PARD3B: variants seen among roughly 807,000 people sequenced by gnomAD.
PARD3B encodes the protein par-3 family cell polarity regulator beta, also known as partitioning defective 3 homolog B.
A neutral mutation model predicts 130.2 loss-of-function variants in PARD3B; 103 were observed. The observed-to-expected ratio is 0.79, with a 90% CI of 0.67 to 0.93. PARD3B has a LOEUF of 0.93. PARD3B is among the 40% of genes least tolerant of loss of function. The probability of loss-of-function intolerance (pLI) is 0.00; values close to 1 mark genes in which losing one functional copy is unlikely to be tolerated. For missense variants in PARD3B, 1,609 were observed against 1,499.2 expected, an observed-to-expected ratio of 1.07 and a Z score of -1.21; for synonymous variants, 583 against 553.2, an observed-to-expected ratio of 1.05 and a Z score of -0.76.
intron 16 of PARD3B, among the ~76,000 whole-genome samples, chr2:205,254,463 G>A (rs1322407693): frequency 6.6e-6 from 1 of 151,872 alleles, no homozygotes; most frequent in African/African-American, 2.4e-5. Context: ...AGGATGTATT[G>A]GTTTTCCTAA....
intron 1 of PARD3B, among the ~76,000 whole-genome samples, chr2:204,667,193 G>A (rs1574650912): frequency 6.6e-6 from 1 of 152,114 alleles, no homozygotes; most frequent in Non-Finnish European, 1.5e-5. Flanking sequence ...TTTGATTAGA[G>A]TTCACTAGGC....
At position 204,669,260 on chromosome 2, in the gene PARD3B, T is replaced by C. The variant is rs1245698728; in HGVS notation, c.121-16921T>C. 6.6e-6 allele frequency among the ~76,000 whole-genome samples: 1 copy of C among 152,170 alleles called. No individual in the cohort carries two copies. Among genetic ancestry groups the C allele is most frequent in the Non-Finnish European group, 1.5e-5 (1 of 68,032 alleles). On this transcript the variant is annotated intron_variant, in intron 1 of 22. Coordinates refer to ENST00000406610, the MANE Select transcript of PARD3B (RefSeq NM_001302769.2). The surrounding 1 kb of genome is among the most constrained non-coding windows in gnomAD (Gnocchi z 4.3). ...CTAGATACCAGGCATTTATAATTTT[T>C]CCTAGAAGAGTTAGCCTATTTTTAC...
chr2:205,452,762 A>G (rs527435361), intron 20 of PARD3B, among the ~76,000 whole-genome samples: 13 of 152,252 alleles, frequency 8.5e-5, no homozygotes, highest in African/African-American at 3.1e-4. Context: ...GTCAGTGTCC[A>G]GGGGTGACAG....
intron 1 of PARD3B, among the ~76,000 whole-genome samples, chr2:204,616,504 G>C (rs186069494): frequency 4.4e-4 from 67 of 152,208 alleles, no homozygotes; most frequent in Non-Finnish European, 7.2e-4. Flanking sequence ...ACAGGAACTC[G>C]TTCATTACTG....
chr2:205,578,759 A>T (rs1213277294), intron 22 of PARD3B, among the ~76,000 whole-genome samples: 1 of 152,220 alleles, frequency 6.6e-6, no homozygotes, highest in African/African-American at 2.4e-5. Flanking sequence ...CTATGTCATT[A>T]TTATATAGAT....
chr2:204,616,205 A>G (rs1051060756), intron 1 of PARD3B, among the ~76,000 whole-genome samples: 1 of 152,210 alleles, frequency 6.6e-6, no homozygotes, highest in African/African-American at 2.4e-5. Flanking sequence ...CTGGAAGAAC[A>G]TATTTGCAAA....
chr2:205,109,018 T>G (rs1455068156), intron 5 of PARD3B, among the ~76,000 whole-genome samples: 1 of 152,144 alleles, frequency 6.6e-6, no homozygotes, highest in Non-Finnish European at 1.5e-5. Context: ...TCTGTTCTTT[T>G]TTATTACCTG....
intron 18 of PARD3B, among the ~76,000 whole-genome samples, chr2:205,358,867 C>T (rs2044290422): frequency 6.6e-6 from 1 of 152,164 alleles, no homozygotes; most frequent in African/African-American, 2.4e-5. Flanking sequence ...CTTGCTTCCC[C>T]CTTAAGACAT....
intron 3 of PARD3B, among the ~76,000 whole-genome samples, chr2:205,044,336 G>T (rs1213066524): frequency 1.4e-5 from 2 of 147,642 alleles, no homozygotes; most frequent in Non-Finnish European, 3.0e-5. Flanking sequence ...TGGGATGGCT[G>T]GGTCAAATGG....
chr2:205,378,104 T>G (rs1402178484), intron 18 of PARD3B, among the ~76,000 whole-genome samples: 1 of 152,146 alleles, frequency 6.6e-6, no homozygotes, highest in Non-Finnish European at 1.5e-5. Flanking sequence ...AAATATGTCC[T>G]TTTCTGAATC....
chr2:204,620,773 T>C (rs2034272077), intron 1 of PARD3B, among the ~76,000 whole-genome samples: 1 of 152,156 alleles, frequency 6.6e-6, no homozygotes, highest in African/African-American at 2.4e-5. Context: ...AGTATGTACT[T>C]TCAGCAATAG....
intron 2 of PARD3B, among the ~76,000 whole-genome samples, chr2:204,929,329 T>C (rs73984427): frequency 0.053 from 8,041 of 152,210 alleles, 720 homozygotes; most frequent in African/African-American, 0.18. Flanking sequence ...TTAAGGATTC[T>C]CAGTAATCTA....
intron 1 of PARD3B, among the ~76,000 whole-genome samples, chr2:204,548,855 G>A (rs2030218007): frequency 1.3e-5 from 2 of 152,170 alleles, no homozygotes; most frequent in Non-Finnish European, 2.9e-5. Context: ...AGACATCCAG[G>A]TGGCGAGTGC....
At chr2:204,980,545 G>A (rs1243916082) in intron 3 of PARD3B, among the ~76,000 whole-genome samples, 4 of 152,160 alleles carry the variant, frequency 2.6e-5, no homozygotes, top group Non-Finnish European at 5.9e-5. Context: ...GGCAAGCACT[G>A]TTTGAACCAA....
chr2:204,900,534 A>G (rs1042527611), intron 2 of PARD3B, among the ~76,000 whole-genome samples: 2 of 152,138 alleles, frequency 1.3e-5, no homozygotes, highest in African/African-American at 4.8e-5. Context: ...GTTATCTTGA[A>G]TTTCATTGAG....
At chr2:204,773,365 A>G (rs982783199) in intron 2 of PARD3B, among the ~76,000 whole-genome samples, 3 of 151,896 alleles carry the variant, frequency 2.0e-5, no homozygotes, top group African/African-American at 7.2e-5. Context: ...TTGTTTTTGC[A>G]ATATATATTT....
At chr2:205,359,336 T>A (rs771312443) in intron 18 of PARD3B, among the ~76,000 whole-genome samples, 1 of 152,212 alleles carries the variant, frequency 6.6e-6, no homozygotes, top group Non-Finnish European at 1.5e-5. Context: ...TCCACAATAA[T>A]AACATGAAAT....
chr2:204,591,403 G>T (rs185927002), intron 1 of PARD3B, among the ~76,000 whole-genome samples: 17 of 152,308 alleles, frequency 1.1e-4, no homozygotes, highest in African/African-American at 3.8e-4. Context: ...CAGATAATAC[G>T]AAAGAATACC....
In PARD3B at chr2:204,954,994, G is replaced by A. The variant is rs1392841090; in HGVS notation, c.223-10158G>A. 3.3e-5 allele frequency among the ~76,000 whole-genome samples: 5 copies of A among 152,020 alleles called. No homozygotes were observed. In the South Asian group the frequency reaches 8.3e-4, roughly 25 times the overall value. ...TCCTTTTTTTTATTTTACAAAATAGGCTGCTCTATTTGTAGCCAAGTCTCA... is the reference window on the plus strand; with the variant it reads ...TCCTTTTTTTTATTTTACAAAATAGACTGCTCTATTTGTAGCCAAGTCTCA... On this transcript the variant is annotated intron_variant, in intron 2 of 22. Coordinates refer to ENST00000406610, the MANE Select transcript of PARD3B (RefSeq NM_001302769.2).
Sources: gnomAD v4.1 joint callset for allele counts (sites outside exome capture counted in the v4.1 genomes callset) on GRCh38, gnomAD v4.1.1 for gene constraint, Gnocchi (gnomAD v3.1) non-coding constraint, MANE v1.5 for transcripts, NCBI Gene and HGNC (gene_info 2026-07-23, HGNC 2026-07-21) for gene names.